Variants in NFATC3 observed in about 807,000 individuals in gnomAD.
NFATC3 encodes nuclear factor of activated T-cells, cytoplasmic 3.
Under a neutral mutation model 98.6 loss-of-function variants are expected in NFATC3, and 46 were observed. That is an observed-to-expected ratio of 0.47 (90% CI 0.37 to 0.60). The LOEUF (loss-of-function observed/expected upper bound fraction) is 0.60. Among genes scored for constraint, NFATC3 ranks in the 20% least tolerant of loss-of-function variants. The pLI, the probability that NFATC3 is intolerant of heterozygous loss-of-function variation, is 0.00. For missense variants in NFATC3, 1,256 were observed against 1,295.5 expected, an observed-to-expected ratio of 0.97 and a Z score of 0.47; for synonymous variants, 512 against 472.2, an observed-to-expected ratio of 1.08 and a Z score of -1.09.
chr16:68,170,005 C>T (rs2039382387), intron 5 of NFATC3, among the ~76,000 whole-genome samples: 1 of 151,930 alleles, frequency 6.6e-6, no homozygotes, highest in Admixed American at 6.6e-5. Context: ...CTAGGAGCAC[C>T]ACTGCACTCC....
intron 3 of NFATC3, among the ~76,000 whole-genome samples, chr16:68,144,068 A>G (rs1025162464): frequency 1.3e-5 from 2 of 152,206 alleles, no homozygotes; most frequent in Non-Finnish European, 2.9e-5. Flanking sequence ...AAGACAAGCT[A>G]CAGACAGGGA....
intron 5 of NFATC3, among the ~76,000 whole-genome samples, chr16:68,172,515 T>A (rs2039512279): frequency 6.6e-6 from 1 of 151,964 alleles, no homozygotes; most frequent in South Asian, 2.1e-4. Context: ...TAATCCCAAC[T>A]CTTTGGGAGG....
intron 1 of NFATC3, 36 bp downstream of exon 1, chr16:68,085,820 C>A: frequency 7.3e-7 from 1 of 1,368,444 alleles, no homozygotes. Flanking sequence ...TGGAGCGACC[C>A]CGCTTCTCGC....
intron 9 of NFATC3, chr16:68,217,880 A>T: frequency 8.2e-7 from 1 of 1,226,382 alleles, no homozygotes; most frequent in Non-Finnish European, 1.0e-6. Flanking sequence ...ACCTAGCTAC[A>T]CTGGGGAAGC....
At chr16:68,222,311 AAAAAAAAAAAAAAAATAG>A (rs2041899379) in intron 9 of NFATC3, among the ~76,000 whole-genome samples, 1 of 143,076 alleles carries the variant, frequency 7.0e-6, no homozygotes, top group Non-Finnish European at 1.5e-5. Flanking sequence ...AAAAAAAAAA[AAAAAAAAAAAAAAAATAG>A]AAAAAAGAAA....
chr16:68,087,836 T>C (rs1028002803), intron 1 of NFATC3, among the ~76,000 whole-genome samples: 59 of 152,194 alleles, frequency 3.9e-4, no homozygotes, highest in African/African-American at 1.4e-3. Flanking sequence ...CCTCATTCCT[T>C]TCTATGGCTG....
intron 8 of NFATC3, among the ~76,000 whole-genome samples, chr16:68,189,767 A>G (rs1260519374): frequency 1.3e-5 from 2 of 152,202 alleles, no homozygotes; most frequent in Admixed American, 6.5e-5. Context: ...TGATGTTATT[A>G]TAAATGAAAT....
chr16:68,134,796 A>T, intron 3 of NFATC3, among the ~76,000 whole-genome samples: 1 of 152,012 alleles, frequency 6.6e-6, no homozygotes. Flanking sequence ...TGTTTTTTGA[A>T]TTCATGAATA....
At chr16:68,107,151 G>A (rs2035703254) in intron 1 of NFATC3, among the ~76,000 whole-genome samples, 1 of 152,098 alleles carries the variant, frequency 6.6e-6, no homozygotes, top group Non-Finnish European at 1.5e-5. Flanking sequence ...TGTCATTGGT[G>A]GGCATTTGGG....
chr16:68,139,766 A>G (rs937461363), intron 3 of NFATC3, among the ~76,000 whole-genome samples: 4 of 152,182 alleles, frequency 2.6e-5, no homozygotes, highest in African/African-American at 9.6e-5. Context: ...GCAGTTTGCT[A>G]ATGTAGCTGG....
In NFATC3 at chr16:68,191,513, G is replaced by T; in HGVS notation, c.2844G>T (p.Gln948His). The T allele has an allele frequency of 6.2e-7, 1 of 1,614,076 alleles. No homozygotes were observed. The highest frequency in any genetic ancestry group is 1.3e-5 in the African/African-American group (1 of 74,984). Reference protein sequence around the residue: ...PLSGPPSPQLQPMPYQSPSSG... With the variant: ...PLSGPPSPQLHPMPYQSPSSG... ...CTGGGCCACCATCTCCTCAGCTTCAGCCTATGCCTTACCAATCTCCTAGCT... is the reference window on the plus strand; with the variant it reads ...CTGGGCCACCATCTCCTCAGCTTCATCCTATGCCTTACCAATCTCCTAGCT... The change falls in exon 9 of 10, where the codon CAG (glutamine) becomes CAT (histidine). Residue 948 changes from glutamine (Q) to histidine (H), a missense_variant. By Grantham distance (24) the Gln-to-His change is conservative. Transcript: ENST00000346183.
intron 2 of NFATC3, among the ~76,000 whole-genome samples, chr16:68,126,033 C>T (rs1445125028): frequency 1.3e-5 from 2 of 152,008 alleles, no homozygotes; most frequent in Non-Finnish European, 2.9e-5. Flanking sequence ...GCTGGGATTA[C>T]AGGTGAGTGC....
At chr16:68,223,405 G>A (rs2041936576) in intron 9 of NFATC3, among the ~76,000 whole-genome samples, 1 of 152,196 alleles carries the variant, frequency 6.6e-6, no homozygotes, top group Admixed American at 6.5e-5. Flanking sequence ...TGTGCCTATA[G>A]TCCCAGTTAT....
intron 3 of NFATC3, among the ~76,000 whole-genome samples, chr16:68,137,472 T>C (rs1366068046): frequency 6.6e-6 from 1 of 152,192 alleles, no homozygotes; most frequent in Non-Finnish European, 1.5e-5. Flanking sequence ...CTGTACATTT[T>C]ACAGGTGATC....
intron 1 of NFATC3, among the ~76,000 whole-genome samples, chr16:68,119,871 A>T (rs2036480250): frequency 2.0e-5 from 3 of 152,110 alleles, no homozygotes; most frequent in Admixed American, 6.5e-5. Context: ...TTGCTAAAAA[A>T]TTTTTTTGTT....
intron 3 of NFATC3, among the ~76,000 whole-genome samples, chr16:68,152,209 CA>C (rs769742861): frequency 0.16 from 16,367 of 103,436 alleles, 1,114 homozygotes; most frequent in South Asian, 0.21. Context: ...CTAAAGATAC[CA>C]AAAAAAAAAA....
At chr16:68,171,750 C>T (rs555067864) in intron 5 of NFATC3, among the ~76,000 whole-genome samples, 118 of 152,202 alleles carry the variant, frequency 7.8e-4, no homozygotes, top group African/African-American at 2.7e-3. Context: ...GCTGGGATTA[C>T]AGACGTGAGC....
At chr16:68,103,412 G>A (rs1368809917) in intron 1 of NFATC3, among the ~76,000 whole-genome samples, 3 of 152,148 alleles carry the variant, frequency 2.0e-5, no homozygotes, top group East Asian at 3.9e-4. Context: ...ATTTCACCAC[G>A]TTGCCCAGGT....
chr16:68,227,314 G>C lies in NFATC3; in HGVS notation c.*843G>C, dbSNP rs1290261787. On this transcript the variant is annotated 3_prime_UTR_variant, in exon 10 of 10. Transcript: ENST00000346183. Reference sequence around the variant, plus strand: ...TTCTTGCCATCATAAAAACTAGTAGGCTGTGGAGTGCGCTTCCTGTTTGTG... The same window carrying C: ...TTCTTGCCATCATAAAAACTAGTAGCCTGTGGAGTGCGCTTCCTGTTTGTG... The C allele has an allele frequency of 6.6e-6, 1 of 152,140 alleles. No homozygotes were observed. The highest frequency in any genetic ancestry group is 2.1e-4 in the South Asian group (1 of 4,826). 9.4% of individuals were successfully genotyped at this position (152,140 alleles called of 1,614,324 possible). A position where few individuals can be genotyped will look rare whatever the true frequency, so the allele number is the denominator to read the frequency against.
Sources: allele counts gnomAD v4.1 joint callset (sites outside exome capture counted in the v4.1 genomes callset), GRCh38; gene constraint gnomAD v4.1.1; transcripts MANE v1.5; gene names NCBI Gene and HGNC (gene_info 2026-07-23, HGNC 2026-07-21).